The following NFE2L3 variants were observed in gnomAD, a reference collection of about 807,000 sequenced individuals.
The protein encoded by NFE2L3 is NFE2 like bZIP transcription factor 3.
NFE2L3 carries 18 observed loss-of-function variants against 23.5 expected under a neutral mutation model. The ratio of observed to expected loss-of-function variants is 0.77; its 90% CI spans 0.53 to 1.13. The LOEUF is 1.13. Ranked by LOEUF, NFE2L3 falls within the 50% of genes most tolerant of loss-of-function variation. The pLI, the probability that NFE2L3 is intolerant of heterozygous loss-of-function variation, is 0.00. For missense variants in NFE2L3, 1,152 were observed against 877.2 expected (o/e 1.31, Z -3.96); for synonymous variants, 424 against 354.5 (o/e 1.20, Z -2.20).
Position 26,185,336 on chromosome 7 carries a change from T to C in NFE2L3, c.1638T>C (p.His546=), listed in dbSNP as rs1562681092. 6.2e-7 allele frequency: 1 copy of C among 1,614,168 alleles called. No individual in the cohort carries two copies. The highest frequency in any genetic ancestry group is 8.5e-7 in the Non-Finnish European group (1 of 1,180,006). Residue 546 remains histidine, a synonymous_variant, in exon 4 of 4, where the codon CAT becomes CAC. Coordinates refer to ENST00000056233, the MANE Select transcript of NFE2L3 (RefSeq NM_004289.7). ...ATGAACAGCGTGCTAAAGCTTTGCA[T>C]ATCCCTTTTTCTGTAGATGAAATTG... ...SRDEQRAKAL[H]IPFSVDEIVG... is the part of the protein sequence containing the mutation.
At chr7:26,184,237 C>T in intron 3 of NFE2L3, 1 of 372,604 alleles carries the variant, frequency 2.7e-6, no homozygotes, top group Non-Finnish European at 4.9e-6. Context: ...TGAGTTGCAT[C>T]TTATTATAAA....
intron 1 of NFE2L3, among the ~76,000 whole-genome samples, chr7:26,172,779 T>A (rs765132971): frequency 1.3e-5 from 2 of 152,218 alleles, no homozygotes; most frequent in Non-Finnish European, 2.9e-5. Flanking sequence ...ACGATGTTGG[T>A]TTAACTTCGT....
At chr7:26,184,318 T>C (rs1456936520) in intron 3 of NFE2L3, 2 of 520,302 alleles carry the variant, frequency 3.8e-6, no homozygotes, top group South Asian at 2.8e-5. Flanking sequence ...TAATCCATCT[T>C]AATTTCTAGG....
intron 1 of NFE2L3, 122 bp from the exon 2 acceptor site, chr7:26,177,821 A>AC: frequency 1.2e-6 from 1 of 807,034 alleles, no homozygotes; most frequent in Non-Finnish European, 2.0e-6. Flanking sequence ...TTTCTTTGAT[A>AC]CTGAAATATT....
intron 1 of NFE2L3, among the ~76,000 whole-genome samples, chr7:26,164,879 T>C (rs532955547): frequency 6.6e-6 from 1 of 152,368 alleles, no homozygotes; most frequent in East Asian, 1.9e-4. Flanking sequence ...TACATATGGC[T>C]AGCCAGTTTT....
At chr7:26,177,507 C>A (rs888164914) in intron 1 of NFE2L3, among the ~76,000 whole-genome samples, 7 of 152,180 alleles carry the variant, frequency 4.6e-5, no homozygotes, top group South Asian at 2.1e-4. Flanking sequence ...CGAGGCAGGA[C>A]AATCACGGGA....
intron 1 of NFE2L3, among the ~76,000 whole-genome samples, chr7:26,169,285 G>A (rs1428079468): frequency 1.3e-5 from 2 of 152,206 alleles, no homozygotes; most frequent in Non-Finnish European, 2.9e-5. Flanking sequence ...GGTTTATTAG[G>A]GGGAGCCATT....
intron 2 of NFE2L3, among the ~76,000 whole-genome samples, chr7:26,181,809 A>G (rs1212528696): frequency 1.3e-5 from 2 of 152,206 alleles, no homozygotes; most frequent in African/African-American, 4.8e-5. Context: ...AAAGAGCCCA[A>G]ATGAAATTCT....
Position 26,180,763 on chromosome 7 carries a change from ATGAAGTAG to A in NFE2L3, c.750+2642_750+2649del, listed in dbSNP as rs1312876974. On this transcript the variant is annotated intron_variant, in intron 2 of 3. Transcript: ENST00000056233. The stretch of plus-strand genomic sequence containing the variant: ...TTACTAAATATTAATGAGGAGACAA[ATGAAGTAG>A]GGAGCTTCCTTGGAGAGAATTTAAA... 1.3e-5 allele frequency among the ~76,000 whole-genome samples: 2 copies of A among 152,038 alleles called. 1 individual carries two copies. Among genetic ancestry groups the A allele is most frequent in the Non-Finnish European group, 2.9e-5 (2 of 67,870 alleles).
In NFE2L3 at chr7:26,166,517, T is replaced by C. The variant is rs1232728254; in HGVS notation, c.571-11426T>C. Reference sequence around the variant, plus strand: ...CTGCCGCCAAATCCTGGTTCTGTCATTTACTAGCTGTGTGACTTAAGGCAA... The same window carrying C: ...CTGCCGCCAAATCCTGGTTCTGTCACTTACTAGCTGTGTGACTTAAGGCAA... On this transcript the variant is annotated intron_variant, in intron 1 of 3. Coordinates refer to ENST00000056233, the MANE Select transcript of NFE2L3 (RefSeq NM_004289.7). 2.0e-5 allele frequency among the ~76,000 whole-genome samples: 3 copies of C among 152,210 alleles called. No individual in the cohort carries two copies. The South Asian group carries it at 6.2e-4, about 31-fold the overall frequency.
At chr7:26,184,301 T>C (rs1427731266) in intron 3 of NFE2L3, 1 of 491,902 alleles carries the variant, frequency 2.0e-6, no homozygotes, top group East Asian at 3.4e-5. Flanking sequence ...CCAGTCAGCT[T>C]TTATACTAAT....
rs1350364040 is a variant in NFE2L3 at position 26,186,625 on chromosome 7, A to G, written c.*842A>G. ...AACTCCTTGTGTGTATATTAAATCC[A>G]TAAAATCTCTGGCAGTAAAGCCAGC... On this transcript the variant is annotated 3_prime_UTR_variant, in exon 4 of 4. Coordinates refer to ENST00000056233, the MANE Select transcript of NFE2L3 (RefSeq NM_004289.7). The G allele has an allele frequency of 6.6e-6, 1 of 152,226 alleles. No individual in the cohort carries two copies. The highest frequency in any genetic ancestry group is 1.9e-4 in the East Asian group (1 of 5,196). 9.4% of individuals were successfully genotyped at this position (152,226 alleles called of 1,614,324 possible).
At chr7:26,175,547 G>A (rs1326489087) in intron 1 of NFE2L3, among the ~76,000 whole-genome samples, 1 of 152,066 alleles carries the variant, frequency 6.6e-6, no homozygotes, top group Non-Finnish European at 1.5e-5. Context: ...GGAGGCCGAG[G>A]CGGGCGGATC....
chr7:26,152,332 C>A lies in NFE2L3; in HGVS notation c.-167C>A. 2.9e-6 allele frequency: 1 copy of A among 346,956 alleles called. No individual in the cohort carries two copies. Among genetic ancestry groups the A allele is most frequent in the Non-Finnish European group, 4.7e-6 (1 of 211,096 alleles). The allele number at this position is 346,956 out of a possible 1,614,324, so 21.5% of individuals were successfully genotyped here. ...GCTGCCGAGGGAACGCCTTTGTGCC[C>A]GGTGCTGGGAACCCGCGACGGCCGC... is the stretch of plus-strand genomic sequence containing the variant. On this transcript the variant is annotated 5_prime_UTR_variant, in exon 1 of 4. Coordinates refer to ENST00000056233, the MANE Select transcript of NFE2L3 (RefSeq NM_004289.7). This position sits in a 1 kb window ranked among gnomAD's most constrained non-coding sequence, Gnocchi z 4.4.
chr7:26,184,408 A>AACAGCATCTATCTCT (rs1468878368), intron 3 of NFE2L3, 125 bp from the exon 4 acceptor site: 4 of 839,380 alleles, frequency 4.8e-6, no homozygotes, highest in Admixed American at 4.9e-5. Context: ...AGTTACTGCC[A>AACAGCATCTATCTCT]ACAGCATCTA....
Position 26,186,089 on chromosome 7 carries a change from TTAAGAG to T in NFE2L3, c.*311_*316del, listed in dbSNP as rs1334847179. On this transcript the variant is annotated 3_prime_UTR_variant, in exon 4 of 4. Transcript: ENST00000056233. ...CTTTCCATCTTGGCAGCCATCCTTT[TTAAGAG>T]TAAGTTGGTTACTTCAAAAAGAGCA... is the stretch of plus-strand genomic sequence containing the variant. The T allele has an allele frequency of 4.4e-6, 1 of 226,610 alleles. No homozygotes were observed. The highest frequency in any genetic ancestry group is 8.6e-6 in the Non-Finnish European group (1 of 116,856). The allele number at this position is 226,610 out of a possible 1,614,324, so 14.0% of individuals were successfully genotyped here.
rs1452729096 is a variant in NFE2L3 at position 26,185,357 on chromosome 7, A to C, written c.1659A>C (p.Glu553Asp). Residue 553 changes from glutamate to aspartate, a missense_variant, in exon 4 of 4, where the codon GAA (glutamate) becomes GAC (aspartate). Physicochemically the swap from Glu to Asp is conservative, Grantham distance 45. Coordinates refer to ENST00000056233, the MANE Select transcript of NFE2L3 (RefSeq NM_004289.7). ...TGCATATCCCTTTTTCTGTAGATGA[A>C]ATTGTCGGCATGCCTGTTGATTCTT... ...KALHIPFSVD[E>D]IVGMPVDSFN... The C allele has an allele frequency of 3.1e-6, 5 of 1,613,996 alleles. No homozygotes were observed. The highest frequency in any genetic ancestry group is 4.2e-6 in the Non-Finnish European group (5 of 1,180,006).
rs1426436812 is a variant in NFE2L3, at chr7:26,185,410, TGACA to T, written c.1716_1719del (p.Asp573TyrfsTer29). ...AATAGCATGTTAAGTAGATATTATC[TGACA>T]GACCTACAAGTCTCACTTATCCGTG... is the stretch of plus-strand genomic sequence containing the variant. On this transcript the variant is annotated frameshift_variant, in exon 4 of 4. Transcript: ENST00000056233. LOFTEE classifies it low-confidence loss of function (END_TRUNC). 1 of 1,614,036 alleles carries T rather than the reference TGACA, an allele frequency of 6.2e-7. No individual in the cohort carries two copies. Among genetic ancestry groups the T allele is most frequent in the African/African-American group, 1.3e-5 (1 of 74,930 alleles).
chr7:26,172,162 G>T (rs56376224), intron 1 of NFE2L3, among the ~76,000 whole-genome samples: 4,337 of 152,336 alleles, frequency 0.028, 81 homozygotes, highest in Middle Eastern at 0.051. Flanking sequence ...GCCCTTGGGG[G>T]CAAAACACAA....
Sources: gnomAD v4.1 joint callset for allele counts (sites outside exome capture counted in the v4.1 genomes callset) on GRCh38, gnomAD v4.1.1 for gene constraint, Gnocchi (gnomAD v3.1) non-coding constraint, MANE v1.5 for transcripts, NCBI Gene and HGNC (gene_info 2026-07-23, HGNC 2026-07-21) for gene names.